The following REEP1 variants were observed in gnomAD, a reference collection of about 807,000 sequenced individuals.
REEP1 encodes the protein receptor expression-enhancing protein 1.
REEP1 carries 22 observed loss-of-function variants against 40.3 expected under a neutral mutation model. The observed-to-expected ratio is 0.55, with a 90% CI of 0.39 to 0.78. The LOEUF (loss-of-function observed/expected upper bound fraction) is 0.78, where lower values mean the gene tolerates loss of function less well. Among genes scored for constraint, REEP1 ranks in the 30% least tolerant of loss-of-function variants. The pLI is 0.00. For synonymous variants in REEP1, 116 were observed against 139.2 expected, an observed-to-expected ratio of 0.83 and a Z score of 1.17; for missense variants, 280 against 361.1, an observed-to-expected ratio of 0.78 and a Z score of 1.82.
intron 5 of REEP1, among the ~76,000 whole-genome samples, chr2:86,242,399 G>A (rs1354579928): frequency 1.3e-5 from 2 of 152,154 alleles, no homozygotes; most frequent in South Asian, 2.1e-4. Flanking sequence ...CACCTATGGA[G>A]ATGCAGGTAA....
At chr2:86,303,126 T>C (rs1175231203) in intron 1 of REEP1, among the ~76,000 whole-genome samples, 1 of 152,048 alleles carries the variant, frequency 6.6e-6, no homozygotes. Flanking sequence ...CACTGTACCT[T>C]CGAATTCCTA....
At chr2:86,302,171 TC>T (rs1329699598) in intron 1 of REEP1, among the ~76,000 whole-genome samples, 3 of 152,096 alleles carry the variant, frequency 2.0e-5, no homozygotes, top group Non-Finnish European at 2.9e-5. Context: ...TTCAGGAGGC[TC>T]CCGGGTCCCA....
intron 5 of REEP1, among the ~76,000 whole-genome samples, chr2:86,238,046 T>TTAGCCAG: frequency 6.6e-6 from 1 of 151,956 alleles, no homozygotes; most frequent in Non-Finnish European, 1.5e-5. Context: ...CCAGGCATGG[T>TTAGCCAG]GGTGCATGCC....
At chr2:86,234,929 T>C (rs941384455) in intron 5 of REEP1, among the ~76,000 whole-genome samples, 3 of 152,270 alleles carry the variant, frequency 2.0e-5, no homozygotes, top group African/African-American at 7.2e-5. Context: ...ATCTAGAATT[T>C]AGAAGAAATT....
At chr2:86,280,483 C>T (rs551983694) in intron 2 of REEP1, among the ~76,000 whole-genome samples, 2 of 152,302 alleles carry the variant, frequency 1.3e-5, no homozygotes, top group Admixed American at 6.5e-5. Context: ...AAGGATTAGA[C>T]CTTATACCAC....
rs574406716 is a variant in REEP1, at chr2:86,292,486, C to A, written c.33-10244G>T. Among the ~76,000 whole-genome samples, 6 of 152,200 alleles carry A rather than the reference C, an allele frequency of 3.9e-5. No individual in the cohort carries two copies. In the South Asian group the frequency reaches 1.2e-3, roughly 32 times the overall value. On this transcript the variant is annotated intron_variant, in intron 1 of 8. Coordinates refer to ENST00000538924, the MANE Select transcript of REEP1 (RefSeq NM_001371279.1). ...TGTCATCACAATAATTGTGATGAGT[C>A]CTGCTGAGTCTGTTTTGAAGAAGAG...
At chr2:86,281,724 A>C (rs1340310118) in intron 2 of REEP1, among the ~76,000 whole-genome samples, 1 of 152,220 alleles carries the variant, frequency 6.6e-6, no homozygotes, top group Non-Finnish European at 1.5e-5. Context: ...ATTTGGAATG[A>C]AAGAAATGGA....
chr2:86,279,260 G>A (rs186570199), intron 2 of REEP1, among the ~76,000 whole-genome samples: 25 of 152,370 alleles, frequency 1.6e-4, no homozygotes, highest in African/African-American at 5.3e-4. Context: ...CGCTGAAGAC[G>A]TGTAGAGAAG....
At position 86,228,227 on chromosome 2, in the gene REEP1, A is replaced by T. The variant is rs543640530; in HGVS notation, c.596-829T>A. 1.4e-3 allele frequency among the ~76,000 whole-genome samples: 215 copies of T among 152,252 alleles called. 2 individuals are homozygous for T. Among genetic ancestry groups the T allele is most frequent in the African/African-American group, 5.0e-3 (208 of 41,550 alleles). ...ATACAGAGGTCTCTGTGTGCCAGGC[A>T]TGTGGTGAGTATGTTGGGTAGGCAT... is the stretch of plus-strand genomic sequence containing the variant. On this transcript the variant is annotated intron_variant, in intron 6 of 8. Transcript: ENST00000538924.
At chr2:86,330,735 G>A (rs982263893) in intron 1 of REEP1, among the ~76,000 whole-genome samples, 5 of 152,070 alleles carry the variant, frequency 3.3e-5, no homozygotes, top group African/African-American at 4.8e-5. Flanking sequence ...GTCAGCCACC[G>A]TGCCCAGCCA....
intron 1 of REEP1, among the ~76,000 whole-genome samples, chr2:86,306,486 C>T (rs774975178): frequency 5.9e-5 from 9 of 152,134 alleles, no homozygotes; most frequent in Non-Finnish European, 8.8e-5. Flanking sequence ...GTTACCTAGT[C>T]TTTACTCATC....
chr2:86,260,448 C>T (rs1676797940), intron 3 of REEP1, among the ~76,000 whole-genome samples: 1 of 152,174 alleles, frequency 6.6e-6, no homozygotes, highest in Admixed American at 6.5e-5. Context: ...CAAACATCCC[C>T]CTGTGGTAGG....
intron 2 of REEP1, among the ~76,000 whole-genome samples, chr2:86,267,286 A>T (rs1677200180): frequency 6.6e-6 from 1 of 152,126 alleles, no homozygotes; most frequent in Non-Finnish European, 1.5e-5. Flanking sequence ...GTGAGTTCTC[A>T]CAAGATCTGA....
intron 5 of REEP1, among the ~76,000 whole-genome samples, chr2:86,246,708 C>CT (rs5832675): frequency 0.3 from 41,328 of 139,514 alleles, 7,231 homozygotes; most frequent in Non-Finnish European, 0.4. Flanking sequence ...TTTCTTTTTT[C>CT]TTTTTTTTTT....
intron 2 of REEP1, among the ~76,000 whole-genome samples, chr2:86,279,765 T>C (rs565942673): frequency 6.6e-6 from 1 of 152,228 alleles, no homozygotes; most frequent in South Asian, 2.1e-4. Context: ...CTCTAGGAAC[T>C]GGAAAAGGCA....
intron 1 of REEP1, among the ~76,000 whole-genome samples, chr2:86,291,856 T>A (rs998422118): frequency 6.6e-6 from 1 of 152,174 alleles, no homozygotes; most frequent in African/African-American, 2.4e-5. Context: ...ATTTTTATGC[T>A]CCCAAACCCA....
At position 86,282,242 on chromosome 2, in the gene REEP1, C is replaced by T; in HGVS notation, c.33G>A (p.Val11=). The T allele has an allele frequency of 6.2e-7, 1 of 1,600,824 alleles. No homozygotes were observed. The highest frequency in any genetic ancestry group is 1.1e-5 in the South Asian group (1 of 90,828). Residue 11 remains valine, a splice_region_variant and synonymous_variant, in exon 2 of 9, where the codon GTG becomes GTA. Coordinates refer to ENST00000538924, the MANE Select transcript of REEP1 (RefSeq NM_001371279.1). The stretch of plus-strand genomic sequence containing the variant: ...CAGGGTAAAGGGTGCCAAATATAAG[C>T]CTGGAGGGAAGAGAGACAAAAATAA... MVSWIISRLV[V]LIFGTLYPAY... is the part of the protein sequence containing the mutation.
Position 86,323,908 on chromosome 2 carries a change from G to T in REEP1, c.32+13571C>A, listed in dbSNP as rs1271978114. Among the ~76,000 whole-genome samples, 6 of 152,088 alleles carry T rather than the reference G, an allele frequency of 3.9e-5. No homozygotes were observed. The East Asian group carries it at 1.2e-3, about 29-fold the overall frequency. On this transcript the variant is annotated intron_variant, in intron 1 of 8. Coordinates refer to ENST00000538924, the MANE Select transcript of REEP1 (RefSeq NM_001371279.1). ...GGGCAGGGCACTGCAGGTCTGAAGA[G>T]AAAGCATAAACTTTTGAATAAATAG... is the stretch of plus-strand genomic sequence containing the variant.
chr2:86,262,013 T>C (rs1676884022), intron 3 of REEP1, among the ~76,000 whole-genome samples: 2 of 152,198 alleles, frequency 1.3e-5, no homozygotes, highest in Non-Finnish European at 2.9e-5. Context: ...TGTTCACGTG[T>C]TTGTCTGCTG....
Sources: gnomAD v4.1 joint callset for allele counts (sites outside exome capture counted in the v4.1 genomes callset) on GRCh38, gnomAD v4.1.1 for gene constraint, MANE v1.5 for transcripts, NCBI Gene and HGNC (gene_info 2026-07-23, HGNC 2026-07-21) for gene names.